The following CAP2 variants were observed in gnomAD, a reference collection of about 807,000 sequenced individuals.
CAP2 encodes adenylyl cyclase-associated protein 2.
Under a neutral mutation model 57.7 loss-of-function variants are expected in CAP2, and 24 were observed. The observed-to-expected ratio is 0.42, with a 90% CI of 0.30 to 0.58. CAP2 has a LOEUF of 0.58. Among genes scored for constraint, CAP2 ranks in the 20% least tolerant of loss-of-function variants. The probability of loss-of-function intolerance (pLI) is 0.22; values close to 1 mark genes in which losing one functional copy is unlikely to be tolerated. For synonymous variants in CAP2, 194 were observed against 207.2 expected, an observed-to-expected ratio of 0.94 and a Z score of 0.55; for missense variants, 501 against 590.3, an observed-to-expected ratio of 0.85 and a Z score of 1.57.
At chr6:17,433,866 G>C (rs1011466161) in intron 3 of CAP2, among the ~76,000 whole-genome samples, 1 of 152,120 alleles carries the variant, frequency 6.6e-6, no homozygotes, top group Admixed American at 6.5e-5. Context: ...CTTAAAGTTT[G>C]TTTCTAGAGC....
At chr6:17,425,790 A>G (rs944572310) in intron 2 of CAP2, among the ~76,000 whole-genome samples, 1 of 152,176 alleles carries the variant, frequency 6.6e-6, no homozygotes, top group African/African-American at 2.4e-5. Context: ...CTGTTGAGAA[A>G]TGTTTAATAA....
Position 17,426,690 on chromosome 6 carries a change from T to A in CAP2, c.222T>A (p.His74Gln). 27 of 1,604,356 alleles carry A rather than the reference T, an allele frequency of 1.7e-5. No homozygotes were observed. Among genetic ancestry groups the A allele is most frequent in the Non-Finnish European group, 2.3e-5 (27 of 1,171,092 alleles). Residue 74 changes from histidine to glutamine, a missense_variant and splice_region_variant, in exon 3 of 13, where the codon CAT becomes CAA. Coordinates refer to ENST00000229922, the MANE Select transcript of CAP2 (RefSeq NM_006366.3). ...TCCTTGCTGGGGACGTGGAGACCCA[T>A]GTAAGTACTTTCCTCCCCTGTTCTC... The part of the protein sequence containing the change: ...SRILAGDVET[H>Q]AEMVHSAFQA...
chr6:17,440,614 GGTGT>G lies in CAP2; in HGVS notation c.222+13952_222+13955del, dbSNP rs55662495. ...TTTGGGCTGAAAACAAACTGTGTGT[GGTGT>G]GTGTGTGTGTGTGTGTGTGTGTGTG... On this transcript the variant is annotated intron_variant, in intron 3 of 12. Transcript: ENST00000229922. 2.3e-4 allele frequency among the ~76,000 whole-genome samples: 33 copies of G among 141,678 alleles called. 1 individual carries two copies. The highest frequency in any genetic ancestry group is 3.5e-3 in the Middle Eastern group (1 of 282). 92.9% of individuals were successfully genotyped at this position (141,678 alleles called of 152,430 possible). A position where few individuals can be genotyped will look rare whatever the true frequency, so the allele number is the denominator to read the frequency against.
intron 12 of CAP2, among the ~76,000 whole-genome samples, chr6:17,552,389 C>G (rs1763190894): frequency 6.6e-6 from 1 of 152,204 alleles, no homozygotes; most frequent in African/African-American, 2.4e-5. Flanking sequence ...TGGCTTACCC[C>G]TGTAATGCCA....
At chr6:17,396,785 C>T (rs1359861738) in intron 1 of CAP2, among the ~76,000 whole-genome samples, 2 of 152,110 alleles carry the variant, frequency 1.3e-5, no homozygotes, top group Admixed American at 6.5e-5. Flanking sequence ...TTGAGTTGTA[C>T]ACCTTTAATG....
At chr6:17,541,510 G>A (rs1762900495) in intron 9 of CAP2, among the ~76,000 whole-genome samples, 1 of 152,006 alleles carries the variant, frequency 6.6e-6, no homozygotes, top group Admixed American at 6.6e-5. Flanking sequence ...AACCCGAGAG[G>A]TGGAGGTTGC....
At chr6:17,428,371 G>A (rs948111991) in intron 3 of CAP2, among the ~76,000 whole-genome samples, 1 of 152,070 alleles carries the variant, frequency 6.6e-6, no homozygotes, top group South Asian at 2.1e-4. Context: ...GAAAAGAAAT[G>A]TATCACTGGG....
intron 3 of CAP2, among the ~76,000 whole-genome samples, chr6:17,437,694 C>G (rs908681040): frequency 6.6e-6 from 1 of 151,428 alleles, no homozygotes; most frequent in Non-Finnish European, 1.5e-5. Flanking sequence ...CTGGCCAACA[C>G]GGTGAAACCC....
intron 1 of CAP2, among the ~76,000 whole-genome samples, chr6:17,398,277 C>T (rs1758720350): frequency 6.6e-6 from 1 of 152,052 alleles, no homozygotes; most frequent in South Asian, 2.1e-4. Flanking sequence ...TTAAAAGTTG[C>T]CTCGTATTGT....
chr6:17,483,076 G>A (rs1761332596), intron 4 of CAP2, among the ~76,000 whole-genome samples: 1 of 152,212 alleles, frequency 6.6e-6, no homozygotes, highest in South Asian at 2.1e-4. Flanking sequence ...GACCTGCTCA[G>A]GTGGAGAGTT....
intron 3 of CAP2, among the ~76,000 whole-genome samples, chr6:17,430,575 G>C (rs959762836): frequency 1.8e-4 from 26 of 145,194 alleles, no homozygotes; most frequent in Non-Finnish European, 2.8e-4. Flanking sequence ...GTCTTGCTCT[G>C]TTGCCCAGGC....
At chr6:17,489,836 T>C (rs1761505333) in intron 4 of CAP2, among the ~76,000 whole-genome samples, 1 of 151,812 alleles carries the variant, frequency 6.6e-6, no homozygotes. Flanking sequence ...ATCTAGTAGG[T>C]CCATCATGAT....
intron 12 of CAP2, among the ~76,000 whole-genome samples, chr6:17,554,535 G>A (rs929947533): frequency 6.6e-6 from 1 of 152,252 alleles, no homozygotes; most frequent in African/African-American, 2.4e-5. Context: ...TGGGATTACA[G>A]GTGTCAGCCA....
intron 11 of CAP2, among the ~76,000 whole-genome samples, chr6:17,551,127 A>G (rs1763162347): frequency 6.6e-6 from 1 of 152,234 alleles, no homozygotes; most frequent in Non-Finnish European, 1.5e-5. Context: ...TTTATCATGA[A>G]ATCAAATACA....
At chr6:17,526,972 A>T (rs1762527405) in intron 7 of CAP2, among the ~76,000 whole-genome samples, 2 of 151,122 alleles carry the variant, frequency 1.3e-5, no homozygotes, top group African/African-American at 4.9e-5. Context: ...AAAAAAAAAA[A>T]AAAAAAGAAC....
At chr6:17,479,664 T>G (rs1274607240) in intron 4 of CAP2, among the ~76,000 whole-genome samples, 2 of 144,980 alleles carry the variant, frequency 1.4e-5, no homozygotes, top group Non-Finnish European at 3.0e-5. Context: ...CAGGCTAGAG[T>G]GCAGTGGCAC....
At chr6:17,506,572 G>A (rs895221335) in intron 4 of CAP2, among the ~76,000 whole-genome samples, 5 of 151,936 alleles carry the variant, frequency 3.3e-5, no homozygotes, top group South Asian at 2.1e-4. Context: ...CCTGGGAGGC[G>A]GAGGTCGCAG....
At chr6:17,543,624 C>CAAA (rs66747239) in intron 11 of CAP2, among the ~76,000 whole-genome samples, 35 of 83,766 alleles carry the variant, frequency 4.2e-4, no homozygotes, top group Admixed American at 8.5e-4. Context: ...GACTCCATCT[C>CAAA]AAAAAAAAAA....
Position 17,556,477 on chromosome 6 carries a change from C to A in CAP2, c.*35C>A. ...AGACCGAACCCCCTCACCTGAATCC[C>A]CCTCTATCAAACAAACAAAAAAGCA... On this transcript the variant is annotated 3_prime_UTR_variant, in exon 13 of 13. Coordinates refer to ENST00000229922, the MANE Select transcript of CAP2 (RefSeq NM_006366.3). 7.0e-7 allele frequency: 1 copy of A among 1,424,988 alleles called. No individual in the cohort carries two copies. The highest frequency in any genetic ancestry group is 9.9e-7 in the Non-Finnish European group (1 of 1,007,248). 88.3% of individuals were successfully genotyped at this position (1,424,988 alleles called of 1,614,324 possible).
Sources: gnomAD v4.1 joint callset for allele counts (sites outside exome capture counted in the v4.1 genomes callset) on GRCh38, gnomAD v4.1.1 for gene constraint, MANE v1.5 for transcripts, NCBI Gene and HGNC (gene_info 2026-07-23, HGNC 2026-07-21) for gene names.